ZNF680: variants seen among roughly 807,000 people sequenced by gnomAD.
The protein encoded by ZNF680 is zinc finger protein 680, also known as hypothetical protein FLJ90430.
ZNF680 carries 6 observed loss-of-function variants against 12.1 expected under a neutral mutation model. The ratio of observed to expected loss-of-function variants is 0.49; its 90% confidence interval spans 0.27 to 0.98. ZNF680 has a LOEUF of 0.98. Ranked by LOEUF, ZNF680 falls within the 50% of genes least tolerant of loss-of-function variation. ZNF680 has a pLI of 0.12. For missense variants in ZNF680, 561 were observed against 616.3 expected (o/e 0.91, Z 0.95); for synonymous variants, 170 against 199.3 (o/e 0.85, Z 1.24).
intron 3 of ZNF680, among the ~76,000 whole-genome samples, chr7:64,541,555 A>G (rs1328469188): frequency 6.6e-6 from 1 of 152,184 alleles, no homozygotes; most frequent in Non-Finnish European, 1.5e-5. Context: ...AGTGCCTTTA[A>G]GAGAGCTTTG....
rs1787819890 is a variant in ZNF680, at chr7:64,562,829, G to C, written c.30+96C>G. The C allele has an allele frequency of 2.1e-6, 3 of 1,430,936 alleles. No homozygotes were observed. In the Admixed American group the frequency reaches 5.2e-5, roughly 25 times the overall value. 88.6% of individuals were successfully genotyped at this position (1,430,936 alleles called of 1,614,324 possible). Reference sequence around the variant, plus strand: ...GACAACTCGGGCCGCGGATTTTGGAGCCCAGTGCTTGGAGCCTGGAGTCCT... The same window carrying C: ...GACAACTCGGGCCGCGGATTTTGGACCCCAGTGCTTGGAGCCTGGAGTCCT... On this transcript the variant is annotated intron_variant, in intron 1 of 3. Transcript: ENST00000309683.
At chr7:64,504,589 T>C in the ZNF680 span, among the ~76,000 whole-genome samples, 1 of 152,212 alleles carries the variant, frequency 6.6e-6, no homozygotes, top group African/African-American at 2.4e-5. Flanking sequence ...TTTTATAATA[T>C]GGAAGAAATG....
chr7:64,522,515 A>G lies in ZNF680; in HGVS notation c.254-15T>C. ...AGAATATATAACTGAAAGACATAAA[A>G]GTAACAAATTACACCACTTCCTAGA... On this transcript the variant is annotated splice_polypyrimidine_tract_variant and intron_variant, in intron 3 of 3. Transcript: ENST00000309683. 1 of 1,418,716 alleles carries G rather than the reference A, an allele frequency of 7.0e-7. No individual in the cohort carries two copies. The highest frequency in any genetic ancestry group is 2.0e-5 in the South Asian group (1 of 50,304). 87.9% of individuals were successfully genotyped at this position (1,418,716 alleles called of 1,614,324 possible).
At chr7:64,561,550 A>G (rs188331612) in intron 1 of ZNF680, among the ~76,000 whole-genome samples, 389 of 152,336 alleles carry the variant, frequency 2.6e-3, no homozygotes, top group Middle Eastern at 3.4e-3. Flanking sequence ...CTTTCTTCTT[A>G]CAGAAAATTT....
intron 3 of ZNF680, chr7:64,526,307 G>T: frequency 2.6e-6 from 3 of 1,174,546 alleles, no homozygotes; most frequent in Non-Finnish European, 3.2e-6. Flanking sequence ...CAAGATTAGT[G>T]TACTTTAAAA....
the ZNF680 span, among the ~76,000 whole-genome samples, chr7:64,499,367 C>CT: frequency 0.23 from 34,303 of 152,142 alleles, 4,057 homozygotes; most frequent in South Asian, 0.28. Context: ...AACACTGCCA[C>CT]TTTAAGTTCT....
In ZNF680 at chr7:64,521,439, A is replaced by G. The variant is rs753294458; in HGVS notation, c.1315T>C (p.Cys439Arg). The change falls in exon 4 of 4, where the codon TGT (cysteine) becomes CGT (arginine). Residue 439 changes from cysteine to arginine, a missense_variant. Physicochemically the swap from Cys to Arg is radical, Grantham distance 180. Coordinates refer to ENST00000309683, the MANE Select transcript of ZNF680 (RefSeq NM_178558.5). Reference sequence around the variant, plus strand: ...GAAAATAAAGTAAAGCCTTTGCCACATTCTTCACATTTGTAGGTATTCTCT... The same window carrying G: ...GAAAATAAAGTAAAGCCTTTGCCACGTTCTTCACATTTGTAGGTATTCTCT... ...TRENTYKCEE[C>R]GKGFTLFSTL... is the part of the protein sequence containing the mutation. The G allele has an allele frequency of 1.9e-6, 3 of 1,613,504 alleles. No individual in the cohort carries two copies. The highest frequency in any genetic ancestry group is 2.5e-6 in the Non-Finnish European group (3 of 1,179,732).
At chr7:64,551,403 T>A (rs1336946017) in intron 1 of ZNF680, 1 of 152,176 alleles carries the variant, frequency 6.6e-6, no homozygotes, top group Non-Finnish European at 1.5e-5. Context: ...TCCTACCTCC[T>A]GCCACTGAGG....
chr7:64,522,651 ATGT>A, intron 3 of ZNF680, 151 bp from the exon 4 acceptor site: 3 of 559,904 alleles, frequency 5.4e-6, no homozygotes, highest in Non-Finnish European at 8.1e-6. Flanking sequence ...AAAAAAAGTT[ATGT>A]ACAAATGAAG....
At position 64,527,551 on chromosome 7, in the gene ZNF680, C is replaced by T. The variant is rs1387913431; in HGVS notation, c.254-5051G>A. On this transcript the variant is annotated intron_variant, in intron 3 of 3. Transcript: ENST00000309683. ...TCTCTACTAAAAATACAAAATTAGC[C>T]GGGCATGGTGGCACAGGCCTATAAT... 5.3e-5 allele frequency among the ~76,000 whole-genome samples: 8 copies of T among 151,840 alleles called. No individual in the cohort carries two copies. The East Asian group carries it at 9.8e-4, about 19-fold the overall frequency.
intron 1 of ZNF680, among the ~76,000 whole-genome samples, chr7:64,556,303 C>T (rs1237286933): frequency 7.0e-6 from 1 of 142,676 alleles, no homozygotes; most frequent in African/African-American, 2.6e-5. Context: ...TATATGAAAC[C>T]GAAAAAAAAC....
At chr7:64,540,562 CA>C (rs1440137653) in intron 3 of ZNF680, among the ~76,000 whole-genome samples, 1 of 152,084 alleles carries the variant, frequency 6.6e-6, no homozygotes, top group Non-Finnish European at 1.5e-5. Flanking sequence ...CTCGGGCTCC[CA>C]AAGTGCTGGG....
chr7:64,501,752 C>G, the ZNF680 span: 1 of 863,166 alleles, frequency 1.2e-6, no homozygotes, highest in Non-Finnish European at 2.0e-6. Context: ...GGTTAGAAAT[C>G]TTATCCCAAT....
Position 64,530,297 on chromosome 7 carries a change from C to T in ZNF680, c.254-7797G>A, listed in dbSNP as rs372442591. Among the ~76,000 whole-genome samples the T allele has an allele frequency of 4.6e-5, 7 of 152,136 alleles. No individual in the cohort carries two copies. The East Asian group carries it at 7.7e-4, about 17-fold the overall frequency. On this transcript the variant is annotated intron_variant, in intron 3 of 3. Coordinates refer to ENST00000309683, the MANE Select transcript of ZNF680 (RefSeq NM_178558.5). ...CAAGGTACACAGGCAACAAATGGCACGATAAATGAAATGGTATCTCACATC... is the reference window on the plus strand; with the variant it reads ...CAAGGTACACAGGCAACAAATGGCATGATAAATGAAATGGTATCTCACATC...
At chr7:64,507,786 A>T in the ZNF680 span, among the ~76,000 whole-genome samples, 1 of 151,566 alleles carries the variant, frequency 6.6e-6, no homozygotes, top group African/African-American at 2.4e-5. Flanking sequence ...GAATTGGGCC[A>T]GAGAAAAAAG....
At chr7:64,522,553 T>C (rs1481718291) in intron 3 of ZNF680, 53 bp from the exon 4 acceptor site, 1 of 1,229,588 alleles carries the variant, frequency 8.1e-7, no homozygotes. Flanking sequence ...CAGATGAATA[T>C]ATTTTACATA....
At position 64,556,669 on chromosome 7, in the gene ZNF680, T is replaced by C. The variant is rs140396528; in HGVS notation, c.30+6256A>G. Among the ~76,000 whole-genome samples the C allele has an allele frequency of 2.0e-5, 3 of 152,216 alleles. No homozygotes were observed. In the East Asian group the frequency reaches 5.8e-4, roughly 29 times the overall value. ...AAAGACCTAAATGTAGAACATACAA[T>C]TGTAAAAAACCCTGAAAGAAAATCT... On this transcript the variant is annotated intron_variant, in intron 1 of 3. Transcript: ENST00000309683.
At chr7:64,540,520 G>A (rs1786447337) in intron 3 of ZNF680, among the ~76,000 whole-genome samples, 1 of 152,010 alleles carries the variant, frequency 6.6e-6, no homozygotes, top group Admixed American at 6.6e-5. Context: ...GGCCAGGCTG[G>A]TCTCGAACTC....
chr7:64,546,858 G>A (rs570238213), intron 1 of ZNF680, among the ~76,000 whole-genome samples: 4 of 152,072 alleles, frequency 2.6e-5, no homozygotes, highest in East Asian at 3.9e-4. Context: ...TACCAAACCC[G>A]AACAGAACAG....
Sources: gnomAD v4.1 joint callset for allele counts (sites outside exome capture counted in the v4.1 genomes callset) on GRCh38, gnomAD v4.1.1 for gene constraint, MANE v1.5 for transcripts, NCBI Gene and HGNC (gene_info 2026-07-23, HGNC 2026-07-21) for gene names.